Variants in ADGRL2 observed in about 807,000 individuals in gnomAD.
ADGRL2 encodes calcium-independent alpha-latrotoxin receptor 2.
In ADGRL2, 44 loss-of-function variants were observed where a neutral mutation model predicts 157.4. The observed-to-expected ratio is 0.28, with a 90% CI of 0.22 to 0.36. The LOEUF (loss-of-function observed/expected upper bound fraction) is 0.36. ADGRL2 is among the 10% of genes least tolerant of loss of function. ADGRL2 has a pLI of 1.00. For missense variants in ADGRL2, 1,510 were observed against 1,768.9 expected (o/e 0.85, Z 2.63); for synonymous variants, 585 against 624.7 (o/e 0.94, Z 0.95).
intron 2 of ADGRL2, among the ~76,000 whole-genome samples, chr1:81,778,164 C>CA (rs998509449): frequency 8.6e-5 from 13 of 151,436 alleles, no homozygotes; most frequent in East Asian, 6.0e-4. Context: ...ACTAAAAATA[C>CA]AAAAAAAATT....
intron 3 of ADGRL2, among the ~76,000 whole-genome samples, chr1:81,931,731 G>A (rs1035848945): frequency 2.6e-5 from 4 of 151,950 alleles, no homozygotes; most frequent in African/African-American, 9.7e-5. Context: ...CTTCAGTGGT[G>A]CCATCCTCCC....
chr1:81,791,910 T>C (rs2087367736), intron 2 of ADGRL2, among the ~76,000 whole-genome samples: 1 of 152,216 alleles, frequency 6.6e-6, no homozygotes, highest in South Asian at 2.1e-4. Flanking sequence ...AGAAATAGTA[T>C]ATAGTTAAAA....
intron 2 of ADGRL2, among the ~76,000 whole-genome samples, chr1:81,489,011 T>C (rs146752262): frequency 6.6e-6 from 1 of 152,074 alleles, no homozygotes; most frequent in East Asian, 1.9e-4. Flanking sequence ...TGAGGTGGGT[T>C]GAGATCACCT....
intron 2 of ADGRL2, among the ~76,000 whole-genome samples, chr1:81,449,543 C>A (rs1052112423): frequency 2.0e-5 from 3 of 152,180 alleles, no homozygotes; most frequent in Admixed American, 2.0e-4. Context: ...GGAAAAAATT[C>A]ATTCACTTCA....
intron 1 of ADGRL2, among the ~76,000 whole-genome samples, chr1:81,337,833 G>C (rs965180627): frequency 1.1e-4 from 16 of 152,026 alleles, no homozygotes; most frequent in Non-Finnish European, 2.4e-4. Context: ...AGCCCTTTGA[G>C]GTTCTGTTAA....
chr1:81,772,249 CAA>C (rs769058340), intron 2 of ADGRL2, among the ~76,000 whole-genome samples: 37 of 95,084 alleles, frequency 3.9e-4, no homozygotes, highest in Admixed American at 6.8e-4. Context: ...GACTCTATCT[CAA>C]AAAAAAAAAA....
chr1:81,493,497 G>A (rs908737315), intron 2 of ADGRL2, among the ~76,000 whole-genome samples: 16 of 152,186 alleles, frequency 1.1e-4, no homozygotes, highest in African/African-American at 3.6e-4. Context: ...TCTCAAAAGT[G>A]TTCTATTTGT....
intron 1 of ADGRL2, among the ~76,000 whole-genome samples, chr1:81,441,969 G>A (rs2077515974): frequency 1.3e-5 from 2 of 152,082 alleles, no homozygotes; most frequent in Admixed American, 1.3e-4. Context: ...CAGTAGCTGA[G>A]ACTACAGATG....
At chr1:81,942,891 A>AT in intron 5 of ADGRL2, 78 bp from the exon 6 acceptor site, 1 of 1,050,210 alleles carries the variant, frequency 9.5e-7, no homozygotes, top group Non-Finnish European at 1.5e-6. Context: ...TTCCCTTTTG[A>AT]TTTGTGATCA....
chr1:81,449,185 T>A (rs1311734643), intron 2 of ADGRL2, among the ~76,000 whole-genome samples: 2 of 151,684 alleles, frequency 1.3e-5, no homozygotes, highest in African/African-American at 2.4e-5. Flanking sequence ...ATACTTTGGA[T>A]ACATAGTGCT....
chr1:81,610,435 A>T (rs544058051), intron 3 of ADGRL2, among the ~76,000 whole-genome samples: 3 of 152,176 alleles, frequency 2.0e-5, no homozygotes, highest in Non-Finnish European at 2.9e-5. Flanking sequence ...GCACAAGTCC[A>T]GTGTGACTAG....
intron 2 of ADGRL2, among the ~76,000 whole-genome samples, chr1:81,470,754 C>T (rs12048629): frequency 9.9e-5 from 15 of 152,246 alleles, no homozygotes; most frequent in East Asian, 3.9e-4. Flanking sequence ...TTCAAATTAA[C>T]GTGCAGCAGG....
chr1:81,374,402 T>A (rs146682531), intron 1 of ADGRL2, among the ~76,000 whole-genome samples: 500 of 151,972 alleles, frequency 3.3e-3, no homozygotes, highest in African/African-American at 0.011. Flanking sequence ...CAAAACCCCA[T>A]CTCTACTAAA....
intron 2 of ADGRL2, among the ~76,000 whole-genome samples, chr1:81,490,763 G>A (rs1261785406): frequency 3.3e-5 from 5 of 152,168 alleles, no homozygotes; most frequent in Non-Finnish European, 7.3e-5. Flanking sequence ...AAAGTGGAAG[G>A]TACTTGAAAT....
chr1:81,470,037 C>CAG (rs1198436571), intron 2 of ADGRL2, among the ~76,000 whole-genome samples: 18 of 152,198 alleles, frequency 1.2e-4, no homozygotes, highest in African/African-American at 3.9e-4. Context: ...CCAAGAGTCT[C>CAG]TCTAGAGTTC....
chr1:81,709,065 G>C (rs1430000679), intron 1 of ADGRL2, among the ~76,000 whole-genome samples: 1 of 152,040 alleles, frequency 6.6e-6, no homozygotes, highest in African/African-American at 2.4e-5. Flanking sequence ...CTAAGATGCT[G>C]TCAATGGTAA....
intron 2 of ADGRL2, among the ~76,000 whole-genome samples, chr1:81,484,682 T>C (rs1486502598): frequency 6.6e-6 from 1 of 152,164 alleles, no homozygotes; most frequent in African/African-American, 2.4e-5. Context: ...ACAGGACAAC[T>C]TGGCACAAAG....
At chr1:81,371,400 C>A (rs1198471685) in intron 1 of ADGRL2, among the ~76,000 whole-genome samples, 1 of 151,980 alleles carries the variant, frequency 6.6e-6, no homozygotes, top group African/African-American at 2.4e-5. Flanking sequence ...AGAAAAGTAT[C>A]AATAAAAAAG....
rs1392340173 is a variant in ADGRL2, at chr1:81,367,134, A to G, written c.-302+60625A>G. ...CTGCTAGCCCTGTTCTTCTTCTTGTATATCTTGGTCAGTGTCACCAGTTTC... is the reference window on the plus strand; with the variant it reads ...CTGCTAGCCCTGTTCTTCTTCTTGTGTATCTTGGTCAGTGTCACCAGTTTC... On this transcript the variant is annotated intron_variant, in intron 1 of 24. Coordinates refer to the ADGRL2 transcript ENST00000370721. Among the ~76,000 whole-genome samples the G allele has an allele frequency of 2.0e-5, 3 of 152,200 alleles. No homozygotes were observed. The East Asian group carries it at 5.8e-4, about 29-fold the overall frequency.
Sources: gnomAD v4.1 joint callset for allele counts (sites outside exome capture counted in the v4.1 genomes callset) on GRCh38, gnomAD v4.1.1 for gene constraint, MANE v1.5 for transcripts, NCBI Gene and HGNC (gene_info 2026-07-23, HGNC 2026-07-21) for gene names.